SCIN: variants seen among roughly 807,000 people sequenced by gnomAD.
SCIN encodes scinderin.
SCIN carries 91 observed loss-of-function variants against 91.8 expected under a neutral mutation model. That is an observed-to-expected ratio of 0.99 (90% CI 0.84 to 1.18). The LOEUF (loss-of-function observed/expected upper bound fraction) is 1.18. Ranked by LOEUF, SCIN falls within the 50% of genes most tolerant of loss-of-function variation. The pLI is 0.00. For synonymous variants in SCIN, 367 were observed against 312.6 expected, an observed-to-expected ratio of 1.17 and a Z score of -1.84; for missense variants, 1,087 against 863.9, an observed-to-expected ratio of 1.26 and a Z score of -3.24.
chr7:12,618,726 C>A (rs995512979), intron 4 of SCIN, among the ~76,000 whole-genome samples: 8 of 152,110 alleles, frequency 5.3e-5, no homozygotes, highest in Non-Finnish European at 1.2e-4. Flanking sequence ...TAGCTTCACT[C>A]TTACAATTTA....
At chr7:12,584,244 T>G (rs942188650) in intron 3 of SCIN, among the ~76,000 whole-genome samples, 1 of 152,218 alleles carries the variant, frequency 6.6e-6, no homozygotes, top group Non-Finnish European at 1.5e-5. Context: ...GCGCTAGTTA[T>G]CCAAAGACAA....
intron 11 of SCIN, among the ~76,000 whole-genome samples, chr7:12,643,514 T>C (rs2691812): frequency 0.24 from 36,982 of 152,138 alleles, 5,048 homozygotes; most frequent in South Asian, 0.43. Flanking sequence ...GGACTTTAAC[T>C]ATTTTCCTGA....
intron 10 of SCIN, 31 bp downstream of exon 10, chr7:12,636,166 C>T: frequency 6.5e-7 from 1 of 1,538,444 alleles, no homozygotes; most frequent in Non-Finnish European, 8.9e-7. Context: ...AAAACTCACA[C>T]AAGTTAAAGT....
chr7:12,640,145 C>T (rs534024493), intron 10 of SCIN, among the ~76,000 whole-genome samples: 2 of 152,134 alleles, frequency 1.3e-5, no homozygotes, highest in African/African-American at 4.8e-5. Context: ...ACCGTGCCTG[C>T]GATAACAAAA....
rs140401235 is a variant in SCIN at position 12,615,640 on chromosome 7, A to G, written c.667-7161A>G. On this transcript the variant is annotated intron_variant, in intron 4 of 15. Coordinates refer to ENST00000297029, the MANE Select transcript of SCIN (RefSeq NM_001112706.3). ...ACCCCTTTGTTTTTTATCTCTTACC[A>G]TTAGCATTCAGCCCTTCATCCAAAT... 9.7e-4 allele frequency among the ~76,000 whole-genome samples: 147 copies of G among 152,196 alleles called. 1 individual carries two copies. The East Asian group carries it at 0.022, about 22-fold the overall frequency.
chr7:12,581,216 G>T lies in SCIN; in HGVS notation c.511G>T (p.Gly171Cys). The T allele has an allele frequency of 6.4e-7, 1 of 1,551,136 alleles. No homozygotes were observed. The highest frequency in any genetic ancestry group is 1.2e-5 in the South Asian group (1 of 84,030). The change falls in exon 3 of 16, where the codon GGC becomes TGC. Residue 171 changes from glycine to cysteine, a missense_variant. Coordinates refer to ENST00000297029, the MANE Select transcript of SCIN (RefSeq NM_001112706.3). ...GGGTGACTGCTTCATCATTGACCTT[G>T]GCACCGTAAGTTTCATATATACACA... ...NKGDCFIIDLGTEIYQWCGSS... is the reference protein window; with the variant it reads ...NKGDCFIIDLCTEIYQWCGSS...
At chr7:12,593,232 C>A (rs1263518475) in intron 3 of SCIN, among the ~76,000 whole-genome samples, 2 of 152,190 alleles carry the variant, frequency 1.3e-5, no homozygotes, top group African/African-American at 4.8e-5. Context: ...CCCTTGGGTA[C>A]TATGGCTAGA....
At chr7:12,577,742 G>A in intron 1 of SCIN, 1 of 400,300 alleles carries the variant, frequency 2.5e-6, no homozygotes, top group Non-Finnish European at 4.7e-6. Flanking sequence ...TGTAGTCCAA[G>A]CTGCTTGTGA....
chr7:12,629,664 A>T (rs1335658008), intron 9 of SCIN, among the ~76,000 whole-genome samples: 1 of 152,220 alleles, frequency 6.6e-6, no homozygotes, highest in Non-Finnish European at 1.5e-5. Flanking sequence ...CCTCAACTTG[A>T]TGCAATTCTT....
chr7:12,625,546 G>C (rs1226866567), intron 6 of SCIN, among the ~76,000 whole-genome samples: 1 of 150,270 alleles, frequency 6.7e-6, no homozygotes, highest in Non-Finnish European at 1.5e-5. Flanking sequence ...AGCCAGGATG[G>C]TCTCGATCTC....
chr7:12,639,794 G>A (rs1021125412), intron 10 of SCIN, among the ~76,000 whole-genome samples: 7 of 151,998 alleles, frequency 4.6e-5, no homozygotes, highest in African/African-American at 1.7e-4. Flanking sequence ...TGCTTGCATA[G>A]CAATCTTTGT....
At chr7:12,649,372 C>A in intron 13 of SCIN, 95 bp from the exon 14 acceptor site, 2 of 637,986 alleles carry the variant, frequency 3.1e-6, no homozygotes, top group Non-Finnish European at 5.0e-6. Context: ...ATTTTATTTT[C>A]ACTATACTCA....
chr7:12,625,870 G>A lies in SCIN; in HGVS notation c.981+20G>A, dbSNP rs1285845234. On this transcript the variant is annotated intron_variant, in intron 7 of 15. Transcript: ENST00000297029. ...ACCCAAGTATGTGTGAAACTGAACT[G>A]GCTAGAAAAAAATAGAAAACATTGG... 2 of 1,549,932 alleles carry A rather than the reference G, an allele frequency of 1.3e-6. No individual in the cohort carries two copies. The highest frequency in any genetic ancestry group is 1.2e-5 in the South Asian group (1 of 85,276).
At chr7:12,628,329 T>C (rs1783572895) in intron 8 of SCIN, among the ~76,000 whole-genome samples, 1 of 152,082 alleles carries the variant, frequency 6.6e-6, no homozygotes, top group Non-Finnish European at 1.5e-5. Context: ...GTACCATAGA[T>C]TGGGGGTTTA....
chr7:12,586,247 A>G (rs1360501892), intron 3 of SCIN, among the ~76,000 whole-genome samples: 1 of 152,136 alleles, frequency 6.6e-6, no homozygotes, highest in African/African-American at 2.4e-5. Flanking sequence ...CCCTATTCTC[A>G]AGCTCCTATT....
In SCIN at chr7:12,649,460, C is replaced by G. The variant is rs1784033283; in HGVS notation, c.1882-7C>G. 1.3e-6 allele frequency: 2 copies of G among 1,579,812 alleles called. No individual in the cohort carries two copies. Among genetic ancestry groups the G allele is most frequent in the African/African-American group, 2.7e-5 (2 of 74,370 alleles). On this transcript the variant is annotated splice_polypyrimidine_tract_variant and splice_region_variant and intron_variant, in intron 13 of 15. Coordinates refer to ENST00000297029, the MANE Select transcript of SCIN (RefSeq NM_001112706.3). ...TTTTTGCTCATATAGCTTTTTATAC[C>G]TTTCAGATTGAAGAGATTCCAGGAG...
Position 12,643,593 on chromosome 7 carries a change from C to T in SCIN, c.1582-545C>T, listed in dbSNP as rs1024069605. Among the ~76,000 whole-genome samples the T allele has an allele frequency of 3.9e-5, 6 of 152,314 alleles. No homozygotes were observed. The East Asian group carries it at 1.2e-3, about 29-fold the overall frequency. On this transcript the variant is annotated intron_variant, in intron 11 of 15. Transcript: ENST00000297029. ...ATTCCTTCCACCTCTAGTGTTCTCT[C>T]CTTCAACAGGCTCCTGACAAACCTG...
At chr7:12,605,553 A>G (rs1783063219) in intron 4 of SCIN, among the ~76,000 whole-genome samples, 1 of 152,204 alleles carries the variant, frequency 6.6e-6, no homozygotes, top group South Asian at 2.1e-4. Flanking sequence ...TATGTTTCAC[A>G]TACACCTTAT....
chr7:12,626,285 C>T, intron 7 of SCIN: 1 of 375,144 alleles, frequency 2.7e-6, no homozygotes, highest in Non-Finnish European at 4.8e-6. Context: ...TATGTCCCTG[C>T]ACAAGGAACA....
Sources: gnomAD v4.1 joint callset for allele counts (sites outside exome capture counted in the v4.1 genomes callset) on GRCh38, gnomAD v4.1.1 for gene constraint, MANE v1.5 for transcripts, NCBI Gene and HGNC (gene_info 2026-07-23, HGNC 2026-07-21) for gene names.